NRG1: variants seen among roughly 807,000 people sequenced by gnomAD.
NRG1 encodes neuregulin 1, also known as pro-neuregulin-1, membrane-bound isoform.
NRG1 carries 18 observed loss-of-function variants against 63.8 expected under a neutral mutation model. That is an observed-to-expected ratio of 0.28 (90% confidence interval 0.19 to 0.42). NRG1 has a LOEUF of 0.42. NRG1 is among the 10% of genes least tolerant of loss of function. NRG1 has a pLI of 1.00. For missense variants in NRG1, 762 were observed against 814.7 expected (o/e 0.94, Z 0.79); for synonymous variants, 302 against 301.3 (o/e 1.00, Z -0.02).
chr8:32,257,480 C>T (rs1417106309), intron 1 of NRG1, among the ~76,000 whole-genome samples: 3 of 152,158 alleles, frequency 2.0e-5, no homozygotes, highest in Admixed American at 1.3e-4. Flanking sequence ...TGTTCATGTA[C>T]ACAGTTCACA....
chr8:31,945,744 T>C (rs934382606), intron 1 of NRG1, among the ~76,000 whole-genome samples: 33 of 152,222 alleles, frequency 2.2e-4, no homozygotes, highest in Non-Finnish European at 3.1e-4. Context: ...TGTGTTTTCA[T>C]TCATTTTCCC....
chr8:31,930,979 A>G (rs973687704), intron 1 of NRG1, among the ~76,000 whole-genome samples: 1 of 152,120 alleles, frequency 6.6e-6, no homozygotes, highest in Non-Finnish European at 1.5e-5. Context: ...GTTTCTCAGG[A>G]TTTGTATCAT....
chr8:32,421,587 T>A (rs1460835074), intron 1 of NRG1, among the ~76,000 whole-genome samples: 1 of 152,188 alleles, frequency 6.6e-6, no homozygotes, highest in African/African-American at 2.4e-5. Flanking sequence ...AAGTTCAGTG[T>A]GATGATTAAC....
At chr8:32,736,612 T>A (rs1035619889) in intron 6 of NRG1, among the ~76,000 whole-genome samples, 1 of 152,200 alleles carries the variant, frequency 6.6e-6, no homozygotes, top group Admixed American at 6.5e-5. Flanking sequence ...AGCAGACAGA[T>A]AATAGGGACT....
intron 1 of NRG1, among the ~76,000 whole-genome samples, chr8:32,304,992 G>A (rs1358313297): frequency 1.3e-5 from 2 of 151,962 alleles, no homozygotes; most frequent in African/African-American, 4.8e-5. Context: ...TCCAGCCTGG[G>A]CGACAGAGAG....
intron 1 of NRG1, among the ~76,000 whole-genome samples, chr8:32,230,034 G>A (rs538801465): frequency 3.3e-5 from 5 of 152,044 alleles, no homozygotes; most frequent in Admixed American, 3.3e-4. Context: ...TTCACACCTT[G>A]CCCTTTACTA....
chr8:31,899,123 A>T (rs1831856495), intron 1 of NRG1, among the ~76,000 whole-genome samples: 1 of 146,084 alleles, frequency 6.8e-6, no homozygotes, highest in Non-Finnish European at 1.5e-5. Context: ...TTTTTTTTTG[A>T]GGCAGGGTCT....
intron 1 of NRG1, among the ~76,000 whole-genome samples, chr8:32,502,110 C>A (rs1827928971): frequency 6.6e-6 from 1 of 152,124 alleles, no homozygotes; most frequent in South Asian, 2.1e-4. Context: ...GAGGTTGACT[C>A]ACAGCTCTGT....
chr8:32,606,872 A>G (rs993827901), intron 3 of NRG1, among the ~76,000 whole-genome samples: 1 of 152,120 alleles, frequency 6.6e-6, no homozygotes, highest in African/African-American at 2.4e-5. Context: ...TGGGAGGCTG[A>G]TGTAGTTTTT....
At chr8:32,635,276 A>T (rs1851112887) in intron 5 of NRG1, among the ~76,000 whole-genome samples, 1 of 152,240 alleles carries the variant, frequency 6.6e-6, no homozygotes, top group Non-Finnish European at 1.5e-5. Context: ...TTGGATGGAT[A>T]GGTGGATGGG....
chr8:32,190,587 A>G (rs949580414), intron 1 of NRG1, among the ~76,000 whole-genome samples: 3 of 152,176 alleles, frequency 2.0e-5, no homozygotes, highest in Admixed American at 2.0e-4. Context: ...AAATTTCATG[A>G]CCAAAACAGC....
chr8:32,303,635 C>T (rs1237030811), intron 1 of NRG1, among the ~76,000 whole-genome samples: 1 of 152,230 alleles, frequency 6.6e-6, no homozygotes, highest in African/African-American at 2.4e-5. Context: ...AACAGAAAAT[C>T]ACTCCAGTTA....
At chr8:32,651,246 A>G (rs1855058895) in intron 5 of NRG1, among the ~76,000 whole-genome samples, 1 of 152,148 alleles carries the variant, frequency 6.6e-6, no homozygotes, top group Non-Finnish European at 1.5e-5. Flanking sequence ...TAATCTATGC[A>G]TTCATGTAGG....
intron 1 of NRG1, among the ~76,000 whole-genome samples, chr8:31,971,396 T>C (rs538988423): frequency 1.1e-4 from 17 of 152,326 alleles, no homozygotes; most frequent in Admixed American, 1.1e-3. Flanking sequence ...TGTTTAGGTC[T>C]CCCGTGCATT....
At chr8:32,100,836 G>A (rs1452635435) in intron 1 of NRG1, among the ~76,000 whole-genome samples, 7 of 152,100 alleles carry the variant, frequency 4.6e-5, no homozygotes, top group Admixed American at 2.0e-4. Context: ...ATCTGATGAC[G>A]CTGCATCTCA....
intron 1 of NRG1, among the ~76,000 whole-genome samples, chr8:31,742,455 A>ATTTTTTTTTTTTTTTTTTTTTTTTT (rs36040084): frequency 1.2e-5 from 1 of 80,026 alleles, no homozygotes; most frequent in Non-Finnish European, 2.3e-5. Context: ...TTTTTTAAGA[A>ATTTTTTTTTTTTTTTTTTTTTTTTT]TTTTTTTTTT....
chr8:32,433,282 A>G (rs140403225), intron 1 of NRG1, among the ~76,000 whole-genome samples: 210 of 152,230 alleles, frequency 1.4e-3, no homozygotes, highest in African/African-American at 4.9e-3. Context: ...GGAAGTTCCA[A>G]CTCACTTCGA....
At chr8:31,667,716 G>C (rs1382105158) in intron 1 of NRG1, among the ~76,000 whole-genome samples, 1 of 152,166 alleles carries the variant, frequency 6.6e-6, no homozygotes, top group Non-Finnish European at 1.5e-5. Flanking sequence ...TTAGGACATT[G>C]AGAATGTTAC....
At chr8:32,562,346 C>T (rs923341495) in intron 1 of NRG1, among the ~76,000 whole-genome samples, 1 of 152,042 alleles carries the variant, frequency 6.6e-6, no homozygotes, top group Non-Finnish European at 1.5e-5. Flanking sequence ...CTCCTGGGCT[C>T]TAGTGATCCT....
Sources: allele counts gnomAD v4.1 joint callset (sites outside exome capture counted in the v4.1 genomes callset), GRCh38; gene constraint gnomAD v4.1.1; transcripts MANE v1.5; gene names NCBI Gene and HGNC (gene_info 2026-07-23, HGNC 2026-07-21).